The following CSNK1G3 variants were observed in gnomAD, a reference collection of about 807,000 sequenced individuals.
The protein encoded by CSNK1G3 is casein kinase 1 gamma 3.
Under a neutral mutation model 64.3 loss-of-function variants are expected in CSNK1G3, and 23 were observed. The observed-to-expected ratio is 0.36, with a 90% CI of 0.26 to 0.51. The LOEUF (loss-of-function observed/expected upper bound fraction) is 0.51. Among genes scored for constraint, CSNK1G3 ranks in the 20% least tolerant of loss-of-function variants. CSNK1G3 has a pLI of 0.96. For synonymous variants in CSNK1G3, 158 were observed against 162.2 expected (o/e 0.97, Z 0.20); for missense variants, 357 against 510.5 (o/e 0.70, Z 2.90).
At chr5:123,514,060 A>G (rs2149864728) in intron 1 of CSNK1G3, among the ~76,000 whole-genome samples, 1 of 152,342 alleles carries the variant, frequency 6.6e-6, no homozygotes, top group Admixed American at 6.5e-5. Context: ...GTTATCAAAT[A>G]CATTGTGTGG....
chr5:123,556,174 A>G (rs1264811461), intron 3 of CSNK1G3, among the ~76,000 whole-genome samples: 1 of 152,044 alleles, frequency 6.6e-6, no homozygotes, highest in Non-Finnish European at 1.5e-5. Flanking sequence ...CTGTAATAAA[A>G]CTTATAAGTT....
At chr5:123,590,771 G>A (rs1015989844) in intron 9 of CSNK1G3, among the ~76,000 whole-genome samples, 16 of 151,994 alleles carry the variant, frequency 1.1e-4, no homozygotes, top group African/African-American at 3.6e-4. Context: ...TTAGCATGAA[G>A]AGTTACTTTT....
At chr5:123,560,771 T>C (rs1785540277) in intron 4 of CSNK1G3, among the ~76,000 whole-genome samples, 1 of 152,126 alleles carries the variant, frequency 6.6e-6, no homozygotes, top group South Asian at 2.1e-4. Flanking sequence ...GTCAAATTCA[T>C]AGAGGCAGAA....
At chr5:123,608,662 A>G (rs538089829) in intron 12 of CSNK1G3, among the ~76,000 whole-genome samples, 3 of 152,268 alleles carry the variant, frequency 2.0e-5, no homozygotes, top group African/African-American at 7.2e-5. Flanking sequence ...AAAGTATACT[A>G]ACAACTTTTA....
chr5:123,600,381 T>C (rs1297981314), intron 10 of CSNK1G3, among the ~76,000 whole-genome samples: 2 of 152,034 alleles, frequency 1.3e-5, no homozygotes, highest in African/African-American at 4.8e-5. Context: ...ATCCCAGCAC[T>C]TTGGGAGGCT....
intron 1 of CSNK1G3, among the ~76,000 whole-genome samples, chr5:123,543,732 A>G (rs981408648): frequency 6.6e-6 from 1 of 152,094 alleles, no homozygotes; most frequent in Non-Finnish European, 1.5e-5. Flanking sequence ...CTTTTATTTG[A>G]TGCTTAAAAA....
chr5:123,582,928 GGT>G (rs2099092291), intron 6 of CSNK1G3, among the ~76,000 whole-genome samples: 1 of 152,064 alleles, frequency 6.6e-6, no homozygotes, highest in Admixed American at 6.5e-5. Context: ...AAATTATGAG[GGT>G]AAAGAGCATT....
intron 4 of CSNK1G3, among the ~76,000 whole-genome samples, chr5:123,572,523 T>C (rs1031600915): frequency 1.3e-5 from 2 of 152,336 alleles, no homozygotes; most frequent in South Asian, 2.1e-4. Flanking sequence ...CTGGGTCTTC[T>C]GTTTAGAGTC....
At position 123,555,293 on chromosome 5, in the gene CSNK1G3, G is replaced by A. The variant is rs190746829; in HGVS notation, c.219+2146G>A. The stretch of plus-strand genomic sequence containing the variant: ...CACCTCAAGTTCATCCAAAATATCG[G>A]AAGGACAGAAAACTTTTCACATACA... On this transcript the variant is annotated intron_variant, in intron 3 of 12. Coordinates refer to ENST00000345990, the Ensembl canonical transcript of CSNK1G3. Among the ~76,000 whole-genome samples the A allele has an allele frequency of 8.7e-4, 132 of 152,292 alleles. No individual in the cohort carries two copies. In the Middle Eastern group the frequency reaches 0.01, roughly 12 times the overall value.
At position 123,614,373 on chromosome 5, in the gene CSNK1G3, A is replaced by T; in HGVS notation, c.1249A>T (p.Lys417Ter). 6.2e-7 allele frequency: 1 copy of T among 1,613,328 alleles called. No homozygotes were observed. Among genetic ancestry groups the T allele is most frequent in the Non-Finnish European group, 8.5e-7 (1 of 1,179,696 alleles). Residue 417 changes from lysine to a stop codon, truncating the protein, a stop_gained, in exon 13 of 13, where the codon AAA (lysine) becomes TAA (stop). Coordinates refer to ENST00000345990, the Ensembl canonical transcript of CSNK1G3. LOFTEE classifies it high-confidence loss of function. ...CTGTTTTTTCAAACGAAGGAAAAGG[A>T]AAACCATACAGCGCCACAAATGACT...
intron 1 of CSNK1G3, among the ~76,000 whole-genome samples, chr5:123,514,945 G>A (rs1776882573): frequency 6.6e-6 from 1 of 152,064 alleles, no homozygotes; most frequent in Non-Finnish European, 1.5e-5. Flanking sequence ...CAGTAGGTAG[G>A]CAAATAACGA....
chr5:123,610,812 CT>C (rs1796197709), intron 12 of CSNK1G3, among the ~76,000 whole-genome samples: 1 of 151,906 alleles, frequency 6.6e-6, no homozygotes, highest in South Asian at 2.1e-4. Context: ...GTTGTCTCCA[CT>C]AAAAATAATG....
intron 4 of CSNK1G3, among the ~76,000 whole-genome samples, chr5:123,562,116 A>C (rs1785857289): frequency 6.6e-6 from 1 of 152,014 alleles, no homozygotes; most frequent in African/African-American, 2.4e-5. Flanking sequence ...CCTTGAGTAG[A>C]TCTTACTATT....
chr5:123,520,179 A>G (rs1029520403), intron 1 of CSNK1G3, among the ~76,000 whole-genome samples: 1 of 152,172 alleles, frequency 6.6e-6, no homozygotes, highest in Admixed American at 6.5e-5. Flanking sequence ...GGGACAATTC[A>G]TTATTTTATT....
At chr5:123,520,086 A>G (rs1344241336) in intron 1 of CSNK1G3, among the ~76,000 whole-genome samples, 1 of 152,216 alleles carries the variant, frequency 6.6e-6, no homozygotes, top group Non-Finnish European at 1.5e-5. Context: ...TGACAACATC[A>G]CACAGAAAGA....
intron 1 of CSNK1G3, among the ~76,000 whole-genome samples, chr5:123,533,090 A>T (rs758377678): frequency 1.8e-4 from 28 of 151,880 alleles, no homozygotes; most frequent in Non-Finnish European, 3.7e-4. Context: ...TATTAAGTTT[A>T]CTTAATCTAT....
intron 2 of CSNK1G3, among the ~76,000 whole-genome samples, chr5:123,548,683 A>C (rs1783048863): frequency 1.3e-5 from 2 of 151,954 alleles, no homozygotes; most frequent in South Asian, 4.2e-4. Flanking sequence ...AGACAGGAGG[A>C]TAGCTTGATT....
At chr5:123,517,735 G>T (rs971369232) in intron 1 of CSNK1G3, among the ~76,000 whole-genome samples, 1 of 152,130 alleles carries the variant, frequency 6.6e-6, no homozygotes, top group African/African-American at 2.4e-5. Context: ...TTATAAGATT[G>T]TCTTGTGAAT....
At chr5:123,522,617 A>C (rs1481991192) in intron 1 of CSNK1G3, among the ~76,000 whole-genome samples, 1 of 152,006 alleles carries the variant, frequency 6.6e-6, no homozygotes, top group Non-Finnish European at 1.5e-5. Flanking sequence ...TTATTCCTGG[A>C]TTACTTGTAA....
Sources: allele counts gnomAD v4.1 joint callset (sites outside exome capture counted in the v4.1 genomes callset), GRCh38; gene constraint gnomAD v4.1.1; transcripts MANE v1.5; gene names NCBI Gene and HGNC (gene_info 2026-07-23, HGNC 2026-07-21).